Variants in CSMD1 observed in about 807,000 individuals in gnomAD.
The protein encoded by CSMD1 is CUB and Sushi multiple domains 1.
Under a neutral mutation model 417.5 loss-of-function variants are expected in CSMD1, and 213 were observed. The observed-to-expected ratio is 0.51, with a 90% CI of 0.46 to 0.57. CSMD1 has a LOEUF of 0.57. Among genes scored for constraint, CSMD1 ranks in the 20% least tolerant of loss-of-function variants. The pLI, the probability that CSMD1 is intolerant of heterozygous loss-of-function variation, is 0.00. For missense variants in CSMD1, 6,923 were observed against 4,529.7 expected (o/e 1.53, Z -15.17); for synonymous variants, 2,862 against 1,736.8 (o/e 1.65, Z -16.11).
chr8:4,480,506 T>G lies in CSMD1; in HGVS notation c.303-60441A>C, dbSNP rs377346042. 1.4e-3 allele frequency among the ~76,000 whole-genome samples: 207 copies of G among 152,324 alleles called. 3 individuals carry two copies. In the South Asian group the frequency reaches 0.019, roughly 14 times the overall value. On this transcript the variant is annotated intron_variant, in intron 2 of 69. Coordinates refer to ENST00000635120, the MANE Select transcript of CSMD1 (RefSeq NM_033225.6). ...CTAGTTGTATTAGACAACCAGATAC[T>G]TGGTGGACGGAAATTTCTCCGCCTT...
intron 6 of CSMD1, among the ~76,000 whole-genome samples, chr8:3,713,836 A>T (rs1801666643): frequency 6.6e-6 from 1 of 152,088 alleles, no homozygotes; most frequent in African/African-American, 2.4e-5. Context: ...AGTTTGGGAG[A>T]AATGGGTGAA....
At chr8:3,681,125 G>A (rs919611736) in intron 7 of CSMD1, among the ~76,000 whole-genome samples, 24 of 152,240 alleles carry the variant, frequency 1.6e-4, no homozygotes, top group South Asian at 1.2e-3. Flanking sequence ...TTGAAAACTG[G>A]CACAAGACAG....
intron 5 of CSMD1, among the ~76,000 whole-genome samples, chr8:3,793,776 G>A (rs931859584): frequency 6.6e-5 from 10 of 152,096 alleles, no homozygotes; most frequent in African/African-American, 2.4e-4. Flanking sequence ...CTTGACGACA[G>A]AGACCTTGCC....
At chr8:3,454,523 C>CT (rs1478391311) in intron 12 of CSMD1, among the ~76,000 whole-genome samples, 1 of 152,172 alleles carries the variant, frequency 6.6e-6, no homozygotes, top group African/African-American at 2.4e-5. Context: ...GACAGAATCT[C>CT]TCAGCATTTG....
At chr8:4,684,667 A>G (rs1806259960) in intron 1 of CSMD1, among the ~76,000 whole-genome samples, 1 of 152,236 alleles carries the variant, frequency 6.6e-6, no homozygotes, top group Non-Finnish European at 1.5e-5. Context: ...ATTAAGTGAA[A>G]TAATACATGT....
intron 5 of CSMD1, among the ~76,000 whole-genome samples, chr8:3,766,391 C>T (rs1312386511): frequency 6.6e-6 from 1 of 152,188 alleles, no homozygotes; most frequent in East Asian, 1.9e-4. Context: ...CCTCCAAGTG[C>T]CTGTTTCTAA....
intron 7 of CSMD1, among the ~76,000 whole-genome samples, chr8:3,632,353 C>G (rs934704209): frequency 1.3e-5 from 2 of 152,250 alleles, no homozygotes; most frequent in South Asian, 4.2e-4. Flanking sequence ...GACACCCCCC[C>G]ATCCCCACTT....
intron 1 of CSMD1, among the ~76,000 whole-genome samples, chr8:4,750,929 G>A (rs368855315): frequency 4.5e-4 from 69 of 152,294 alleles, no homozygotes; most frequent in African/African-American, 1.6e-3. Flanking sequence ...CCATTGCCTG[G>A]CATAATGTTG....
At chr8:4,681,996 G>T (rs1030299196) in intron 1 of CSMD1, among the ~76,000 whole-genome samples, 2 of 152,076 alleles carry the variant, frequency 1.3e-5, no homozygotes, top group African/African-American at 4.8e-5. Context: ...CGCTTGAAAG[G>T]TTTATGTCAT....
At chr8:4,898,968 A>C (rs1056675242) in intron 1 of CSMD1, among the ~76,000 whole-genome samples, 1 of 152,198 alleles carries the variant, frequency 6.6e-6, no homozygotes, top group Non-Finnish European at 1.5e-5. Flanking sequence ...ATTATTTTTA[A>C]TATTACGGTA....
At chr8:4,709,526 G>A (rs941188843) in intron 1 of CSMD1, among the ~76,000 whole-genome samples, 2 of 152,210 alleles carry the variant, frequency 1.3e-5, no homozygotes, top group African/African-American at 2.4e-5. Context: ...GGTACAAAGA[G>A]GGCAGAGACC....
At chr8:4,848,861 T>A (rs1320931005) in intron 1 of CSMD1, among the ~76,000 whole-genome samples, 1 of 152,226 alleles carries the variant, frequency 6.6e-6, no homozygotes, top group Admixed American at 6.5e-5. Context: ...TAATACTTAA[T>A]AATAATAAAC....
chr8:3,768,153 G>C (rs1224595933), intron 5 of CSMD1, among the ~76,000 whole-genome samples: 2 of 152,176 alleles, frequency 1.3e-5, no homozygotes, highest in Non-Finnish European at 2.9e-5. Context: ...TGGACAGTAA[G>C]GTAGGAGAAC....
chr8:4,134,372 A>C lies in CSMD1; in HGVS notation c.416-102273T>G, dbSNP rs542126503. On this transcript the variant is annotated intron_variant, in intron 3 of 69. Coordinates refer to ENST00000635120, the MANE Select transcript of CSMD1 (RefSeq NM_033225.6). ...CATGACGATTTTTATTCTTATATGA[A>C]GAAATCGGGACACAGAAAGGCACAA... Among the ~76,000 whole-genome samples, 6 of 152,308 alleles carry C rather than the reference A, an allele frequency of 3.9e-5. No individual in the cohort carries two copies. In the South Asian group the frequency reaches 1.2e-3, roughly 32 times the overall value.
chr8:4,971,614 T>C (rs188600473), intron 1 of CSMD1, among the ~76,000 whole-genome samples: 5 of 152,010 alleles, frequency 3.3e-5, no homozygotes, highest in Admixed American at 2.6e-4. Flanking sequence ...TGATTTCTAA[T>C]TGCAAATGCA....
intron 10 of CSMD1, among the ~76,000 whole-genome samples, chr8:3,532,583 T>G (rs930425975): frequency 1.3e-5 from 2 of 152,198 alleles, no homozygotes; most frequent in African/African-American, 4.8e-5. Context: ...TGATGAGTGA[T>G]TGCATTCATG....
At chr8:3,875,047 C>A (rs147397311) in intron 5 of CSMD1, among the ~76,000 whole-genome samples, 8 of 151,890 alleles carry the variant, frequency 5.3e-5, no homozygotes, top group Non-Finnish European at 1.2e-4. Context: ...TGAGCTGGGG[C>A]GGCTGAAAGA....
chr8:3,671,527 TCA>T (rs1491564400), intron 7 of CSMD1, among the ~76,000 whole-genome samples: 1 of 2,144 alleles, frequency 4.7e-4, no homozygotes, highest in Non-Finnish European at 8.4e-4. Flanking sequence ...ATATATATGA[TCA>T]TATATATATA....
chr8:4,677,228 T>G (rs867439686), intron 1 of CSMD1, among the ~76,000 whole-genome samples: 2 of 151,320 alleles, frequency 1.3e-5, no homozygotes, highest in African/African-American at 2.4e-5. Context: ...GTAGAAATAA[T>G]GCTCAGGGAA....
Sources: allele counts gnomAD v4.1 joint callset (sites outside exome capture counted in the v4.1 genomes callset), GRCh38; gene constraint gnomAD v4.1.1; transcripts MANE v1.5; gene names NCBI Gene and HGNC (gene_info 2026-07-23, HGNC 2026-07-21).